The following IQGAP2 variants were observed in gnomAD, a reference collection of about 807,000 sequenced individuals.
IQGAP2 encodes IQ motif containing GTPase activating protein 2.
IQGAP2 carries 173 observed loss-of-function variants against 201.3 expected under a neutral mutation model. The ratio of observed to expected loss-of-function variants is 0.86; its 90% CI spans 0.76 to 0.98. The LOEUF (loss-of-function observed/expected upper bound fraction) is 0.98. IQGAP2 is among the 50% of genes least tolerant of loss of function. IQGAP2 has a pLI of 0.00. For missense variants in IQGAP2, 1,687 were observed against 1,864.8 expected, an observed-to-expected ratio of 0.90 and a Z score of 1.76; for synonymous variants, 675 against 673.9, an observed-to-expected ratio of 1.00 and a Z score of -0.03.
intron 11 of IQGAP2, among the ~76,000 whole-genome samples, chr5:76,602,293 C>A (rs182070788): frequency 9.2e-5 from 14 of 152,152 alleles, no homozygotes; most frequent in African/African-American, 3.1e-4. Flanking sequence ...AAGACAGACC[C>A]GGTCAATCCC....
intron 1 of IQGAP2, among the ~76,000 whole-genome samples, chr5:76,449,253 C>T (rs531349089): frequency 7.2e-5 from 11 of 152,284 alleles, no homozygotes; most frequent in African/African-American, 2.6e-4. Flanking sequence ...CTTTCTCTCC[C>T]GTCCTTCAAA....
intron 21 of IQGAP2, among the ~76,000 whole-genome samples, chr5:76,661,960 C>G (rs897747234): frequency 5.3e-5 from 8 of 152,194 alleles, no homozygotes; most frequent in Admixed American, 5.2e-4. Context: ...CATGAACAAG[C>G]CAAATACGGT....
chr5:76,436,494 TATATATATATATATA>T (rs1752671290), intron 1 of IQGAP2, among the ~76,000 whole-genome samples: 1 of 18,338 alleles, frequency 5.5e-5, no homozygotes. Context: ...TATATATATA[TATATATATATATATA>T]TATATATATT....
intron 2 of IQGAP2, among the ~76,000 whole-genome samples, chr5:76,471,405 A>G (rs1396921718): frequency 2.7e-5 from 4 of 148,978 alleles, no homozygotes; most frequent in Non-Finnish European, 4.4e-5. Flanking sequence ...CCTTGGTGAT[A>G]GGCTTGTTTA....
intron 5 of IQGAP2, among the ~76,000 whole-genome samples, chr5:76,588,081 G>T (rs73766940): frequency 6.6e-6 from 1 of 151,404 alleles, no homozygotes; most frequent in African/African-American, 2.4e-5. Flanking sequence ...CTTTCTTAAT[G>T]CATTTAATGA....
At position 76,592,856 on chromosome 5, in the gene IQGAP2, G is replaced by T. The variant is rs1746754923; in HGVS notation, c.838G>T (p.Glu280Ter). ...ARLKNSCISE[E>*]ERDAYEELLT... Reference sequence around the variant, plus strand: ...TTTGCAGAATAGCTGTATTTCAGAAGAAGAAAGAGATGCTTATGAAGAACT... The same window carrying T: ...TTTGCAGAATAGCTGTATTTCAGAATAAGAAAGAGATGCTTATGAAGAACT... Residue 280 changes from glutamate (E) to a stop codon, truncating the protein, a stop_gained, in exon 9 of 36, where the codon GAA (glutamate) becomes TAA (stop). Transcript: ENST00000274364. LOFTEE classifies it high-confidence loss of function. 2.5e-6 allele frequency: 4 copies of T among 1,610,434 alleles called. No individual in the cohort carries two copies. The highest frequency in any genetic ancestry group is 3.4e-6 in the Non-Finnish European group (4 of 1,176,972).
chr5:76,494,381 G>T (rs1441004110), intron 2 of IQGAP2, among the ~76,000 whole-genome samples: 1 of 152,164 alleles, frequency 6.6e-6, no homozygotes, highest in African/African-American at 2.4e-5. Context: ...GGATAAAAAT[G>T]TTGTAACCAG....
At chr5:76,670,234 G>A (rs556435789) in intron 23 of IQGAP2, among the ~76,000 whole-genome samples, 1 of 152,290 alleles carries the variant, frequency 6.6e-6, no homozygotes, top group Non-Finnish European at 1.5e-5. Context: ...CAAAAAGGCC[G>A]GGCACGGTGG....
At chr5:76,697,953 G>A (rs1746909047) in intron 32 of IQGAP2, 34 bp from the exon 33 acceptor site, 1 of 1,559,456 alleles carries the variant, frequency 6.4e-7, no homozygotes. Context: ...GCAAACTTCT[G>A]CTTAAATATG....
chr5:76,494,171 G>A (rs1756737853), intron 2 of IQGAP2, among the ~76,000 whole-genome samples: 1 of 152,060 alleles, frequency 6.6e-6, no homozygotes, highest in Admixed American at 6.5e-5. Context: ...AGATACGAAG[G>A]GCCAGGTGTA....
chr5:76,484,676 G>C lies in IQGAP2; in HGVS notation c.146+23007G>C, dbSNP rs1756005519. On this transcript the variant is annotated intron_variant, in intron 2 of 35. Coordinates refer to ENST00000274364, the MANE Select transcript of IQGAP2 (RefSeq NM_006633.5). ...ATAAAAAAATTAAAAAAAGAAACGG[G>C]GTTTTGCTCTGTCACCAAGGCTGGA... Among the ~76,000 whole-genome samples, 6 of 152,042 alleles carry C rather than the reference G, an allele frequency of 3.9e-5. No homozygotes were observed. The South Asian group carries it at 1.2e-3, about 32-fold the overall frequency.
At chr5:76,575,875 T>G (rs1745437059) in intron 5 of IQGAP2, 106 bp downstream of exon 5, 2 of 547,976 alleles carry the variant, frequency 3.6e-6, no homozygotes. Context: ...TTTGAAGAAC[T>G]TTTTATTAAA....
At chr5:76,501,321 T>C in intron 2 of IQGAP2, among the ~76,000 whole-genome samples, 1 of 152,054 alleles carries the variant, frequency 6.6e-6, no homozygotes, top group East Asian at 1.9e-4. Flanking sequence ...CCTAGCCCTT[T>C]GGGAAGCTGA....
intron 2 of IQGAP2, among the ~76,000 whole-genome samples, chr5:76,492,651 G>A (rs915036729): frequency 6.6e-6 from 1 of 152,076 alleles, no homozygotes; most frequent in Admixed American, 6.5e-5. Context: ...GTGTGTGAAG[G>A]TTTTGTAACT....
chr5:76,564,582 T>C (rs544518220), intron 3 of IQGAP2, among the ~76,000 whole-genome samples: 8 of 152,338 alleles, frequency 5.3e-5, no homozygotes, highest in Non-Finnish European at 8.8e-5. Flanking sequence ...CTCATGGCAG[T>C]TGCCTCATGG....
intron 13 of IQGAP2, among the ~76,000 whole-genome samples, chr5:76,619,074 G>T (rs1749324125): frequency 6.6e-6 from 1 of 152,228 alleles, no homozygotes; most frequent in South Asian, 2.1e-4. Flanking sequence ...TGCTGGTGAT[G>T]AATGGACAGA....
At chr5:76,600,767 G>A in intron 10 of IQGAP2, 45 bp from the exon 11 acceptor site, 1 of 1,605,554 alleles carries the variant, frequency 6.2e-7, no homozygotes. Context: ...ATGCACATGA[G>A]GTGTGTTGTG....
intron 2 of IQGAP2, among the ~76,000 whole-genome samples, chr5:76,551,233 C>T (rs1457067176): frequency 6.7e-6 from 1 of 148,632 alleles, no homozygotes; most frequent in Non-Finnish European, 1.5e-5. Context: ...AGAGGCAATC[C>T]TCACATCCCT....
chr5:76,667,329 G>T (rs1743873340), intron 22 of IQGAP2, among the ~76,000 whole-genome samples: 1 of 152,132 alleles, frequency 6.6e-6, no homozygotes, highest in Admixed American at 6.5e-5. Context: ...AAGTGATAAA[G>T]TAAACCAGAA....
Sources: gnomAD v4.1 joint callset for allele counts (sites outside exome capture counted in the v4.1 genomes callset) on GRCh38, gnomAD v4.1.1 for gene constraint, MANE v1.5 for transcripts, NCBI Gene and HGNC (gene_info 2026-07-23, HGNC 2026-07-21) for gene names.